SLC44A2: variants seen among roughly 807,000 people sequenced by gnomAD.
SLC44A2 encodes choline transporter-like protein 2.
SLC44A2 carries 57 observed loss-of-function variants against 90.8 expected under a neutral mutation model. The ratio of observed to expected loss-of-function variants is 0.63; its 90% CI spans 0.51 to 0.78. The LOEUF (loss-of-function observed/expected upper bound fraction) is 0.78, where lower values mean the gene tolerates loss of function less well. Among genes scored for constraint, SLC44A2 ranks in the 30% least tolerant of loss-of-function variants. SLC44A2 has a pLI of 0.00. For missense variants in SLC44A2, 794 were observed against 919.7 expected, an observed-to-expected ratio of 0.86 and a Z score of 1.77; for synonymous variants, 355 against 360.7, an observed-to-expected ratio of 0.98 and a Z score of 0.18.
At chr19:10,625,728 C>T in intron 1 of SLC44A2, 58 bp downstream of exon 1, 2 of 1,218,992 alleles carry the variant, frequency 1.6e-6, no homozygotes, top group Non-Finnish European at 1.0e-6. Flanking sequence ...TCGGAGGGGG[C>T]CTTGAGAGAA....
chr19:10,608,896 G>A (rs990454933), intron 1 of SLC44A2, among the ~76,000 whole-genome samples: 2 of 149,984 alleles, frequency 1.3e-5, no homozygotes, highest in Non-Finnish European at 3.0e-5. Flanking sequence ...AGCTATCCAC[G>A]TGCTTCAGCC....
chr19:10,636,799 G>A (rs776759574), intron 16 of SLC44A2, 43 bp downstream of exon 16: 11 of 1,577,814 alleles, frequency 7.0e-6, no homozygotes, highest in Middle Eastern at 1.7e-4. Flanking sequence ...GTTGCGGGGC[G>A]AGGCTGAATA....
Position 10,637,710 on chromosome 19 carries a change from A to G in SLC44A2, c.1658A>G (p.Lys553Arg). 1 of 1,614,110 alleles carries G rather than the reference A, an allele frequency of 6.2e-7. No homozygotes were observed. The highest frequency in any genetic ancestry group is 8.5e-7 in the Non-Finnish European group (1 of 1,180,034). ...AAATGCTGCTTCTGGTGCCTGGAGAAGTTCATCAAATTCCTTAATAGGAAT... is the reference window on the plus strand; with the variant it reads ...AAATGCTGCTTCTGGTGCCTGGAGAGGTTCATCAAATTCCTTAATAGGAAT... ...CLKCCFWCLEKFIKFLNRNAY... is the reference protein window; with the variant it reads ...CLKCCFWCLERFIKFLNRNAY... Residue 553 changes from lysine to arginine, a missense_variant, in exon 17 of 22, where the codon AAG becomes AGG. Lys to Arg is a conservative substitution (Grantham distance 26). This residue lies in a region of SLC44A2 where 738 missense variants were observed against 841.1 expected (regional missense o/e 0.88). Transcript: ENST00000335757.
At chr19:10,628,303 T>C (rs1478078886) in intron 4 of SLC44A2, among the ~76,000 whole-genome samples, 1 of 152,168 alleles carries the variant, frequency 6.6e-6, no homozygotes, top group African/African-American at 2.4e-5. Context: ...GAGAATCACT[T>C]GAACCACAGG....
chr19:10,642,897 G>A, intron 21 of SLC44A2: 8 of 1,588,504 alleles, frequency 5.0e-6, no homozygotes, highest in Non-Finnish European at 6.8e-6. Context: ...GGGAGCCCAG[G>A]TGAGGACCTG....
chr19:10,637,579 G>C, intron 16 of SLC44A2, 65 bp from the exon 17 acceptor site: 1 of 1,418,774 alleles, frequency 7.0e-7, no homozygotes. Flanking sequence ...TGATAGGGAA[G>C]AGGGGATCCC....
In SLC44A2 at chr19:10,637,609, C is replaced by T. The variant is rs1376223374; in HGVS notation, c.1592-35C>T. 12 of 1,582,522 alleles carry T rather than the reference C, an allele frequency of 7.6e-6. No homozygotes were observed. The South Asian group carries it at 8.8e-5, about 12-fold the overall frequency. ...GATCCCTTCCAAGTCAGGCTGGTGT[C>T]CCCTCACTTCCACATCCCTTCCCTT... On this transcript the variant is annotated intron_variant, in intron 16 of 21. Coordinates refer to ENST00000335757, the MANE Select transcript of SLC44A2 (RefSeq NM_020428.4).
chr19:10,625,739 C>A, intron 1 of SLC44A2, 69 bp downstream of exon 1: 1 of 1,194,900 alleles, frequency 8.4e-7, no homozygotes, highest in Middle Eastern at 2.4e-4. Flanking sequence ...CTTGAGAGAA[C>A]ATGGGGCGCA....
intron 1 of SLC44A2, among the ~76,000 whole-genome samples, chr19:10,614,859 T>G (rs1179166102): frequency 6.7e-6 from 1 of 149,570 alleles, no homozygotes; most frequent in African/African-American, 2.5e-5. Context: ...TAATCCCAGG[T>G]ACTTGGGAGG....
At chr19:10,637,088 A>C in intron 16 of SLC44A2, 1 of 254,418 alleles carries the variant, frequency 3.9e-6, no homozygotes, top group South Asian at 6.0e-5. Flanking sequence ...GGGCGCCGTG[A>C]CTCACGCCTG....
chr19:10,636,304 T>C lies in SLC44A2; in HGVS notation c.1234-19T>C. Reference sequence around the variant, plus strand: ...CCTGGTGCCTCTTTTTGGACTCGGTTCTCCCTTCTCTCCCACAGACCTTCC... The same window carrying C: ...CCTGGTGCCTCTTTTTGGACTCGGTCCTCCCTTCTCTCCCACAGACCTTCC... On this transcript the variant is annotated intron_variant, in intron 14 of 21. Transcript: ENST00000335757. 1 of 1,599,626 alleles carries C rather than the reference T, an allele frequency of 6.3e-7. No homozygotes were observed. Among genetic ancestry groups the C allele is most frequent in the Non-Finnish European group, 8.5e-7 (1 of 1,171,466 alleles).
chr19:10,611,252 G>C (rs1918296760), intron 1 of SLC44A2, among the ~76,000 whole-genome samples: 1 of 151,836 alleles, frequency 6.6e-6, no homozygotes, highest in African/African-American at 2.4e-5. Flanking sequence ...AGGAGTTCGA[G>C]ACCAGCCTGA....
rs141703990 is a variant in SLC44A2 at position 10,610,888 on chromosome 19, C to T, written c.31+8327C>T. 9.0e-3 allele frequency among the ~76,000 whole-genome samples: 1,358 copies of T among 151,484 alleles called. 10 individuals are homozygous for T. The highest frequency in any genetic ancestry group is 0.031 in the African/African-American group (1,296 of 41,316). On this transcript the variant is annotated intron_variant, in intron 1 of 21. Transcript: ENST00000407327. Reference sequence around the variant, plus strand: ...CTCCTGACCTCAAGTGATCCGCTCGCCTCGGCCTCCCAAAGTGCTGGGATT... The same window carrying T: ...CTCCTGACCTCAAGTGATCCGCTCGTCTCGGCCTCCCAAAGTGCTGGGATT...
intron 1 of SLC44A2, among the ~76,000 whole-genome samples, chr19:10,604,822 C>G (rs1331739171): frequency 6.6e-6 from 1 of 152,058 alleles, no homozygotes; most frequent in African/African-American, 2.4e-5. Flanking sequence ...GAGAAGCAAC[C>G]CAAGGCATTG....
chr19:10,604,288 G>A (rs879937323), intron 1 of SLC44A2, among the ~76,000 whole-genome samples: 1 of 152,212 alleles, frequency 6.6e-6, no homozygotes, highest in Non-Finnish European at 1.5e-5. Context: ...GCCAGCCGTG[G>A]GAAGATTTAG....
At chr19:10,627,320 CAAA>C (rs538878754) in intron 2 of SLC44A2, among the ~76,000 whole-genome samples, 1 of 110,762 alleles carries the variant, frequency 9.0e-6, no homozygotes, top group Non-Finnish European at 2.0e-5. Context: ...GATTCCCTCT[CAAA>C]AAAAAAAAAA....
chr19:10,626,470 C>T (rs1462592443), intron 2 of SLC44A2, among the ~76,000 whole-genome samples, 169 bp downstream of exon 2: 1 of 150,964 alleles, frequency 6.6e-6, no homozygotes, highest in Non-Finnish European at 1.5e-5. Context: ...TGCCGTGGCG[C>T]GATCTCAATC....
chr19:10,633,974 T>TTTTTTTTC (rs898026983), intron 10 of SLC44A2, among the ~76,000 whole-genome samples: 2 of 17,300 alleles, frequency 1.2e-4, no homozygotes, highest in African/African-American at 1.1e-3. Flanking sequence ...CCCATCTCTA[T>TTTTTTTTC]TTTTTTTTTT....
chr19:10,619,732 T>C (rs1490762696), intron 1 of SLC44A2, among the ~76,000 whole-genome samples: 1 of 152,056 alleles, frequency 6.6e-6, no homozygotes, highest in African/African-American at 2.4e-5. Flanking sequence ...GGCAGGCGGA[T>C]TGCCTGAGCT....
Sources: allele counts gnomAD v4.1 joint callset (sites outside exome capture counted in the v4.1 genomes callset), GRCh38; gene constraint gnomAD v4.1.1; regional missense constraint gnomAD v4.1.1; transcripts MANE v1.5; gene names NCBI Gene and HGNC (gene_info 2026-07-23, HGNC 2026-07-21).